The following PRH1 variants were observed in gnomAD, a reference collection of about 807,000 sequenced individuals.
The protein encoded by PRH1 is proline rich protein HaeIII subfamily 1.
In PRH1, 7 loss-of-function variants were observed where a neutral mutation model predicts 7.9. The ratio of observed to expected loss-of-function variants is 0.89; its 90% CI spans 0.50 to 1.67. The LOEUF is 1.67. Among genes scored for constraint, PRH1 ranks in the 40% most tolerant of loss-of-function variants. PRH1 has a pLI of 0.00. For missense variants in PRH1, 109 were observed against 223.6 expected, an observed-to-expected ratio of 0.49 and a Z score of 3.27; for synonymous variants, 45 against 80.8, an observed-to-expected ratio of 0.56 and a Z score of 2.38.
downstream of PRH1, among the ~76,000 whole-genome samples, chr12:11,119,139 A>G (rs1460059528): frequency 6.6e-6 from 1 of 152,202 alleles, no homozygotes; most frequent in Non-Finnish European, 1.5e-5. Context: ...AAGTTGAATA[A>G]GTAAAAAATA....
At chr12:11,025,136 G>A (rs911000712) in intron 1 of PRH1, among the ~76,000 whole-genome samples, 4 of 151,540 alleles carry the variant, frequency 2.6e-5, no homozygotes, top group African/African-American at 4.9e-5. Flanking sequence ...TCCTGCCTCA[G>A]CCTCCGGAGT....
chr12:11,165,981 T>C (rs1197330553), intron 1 of PRH1: 1 of 152,224 alleles, frequency 6.6e-6, no homozygotes, highest in African/African-American at 2.4e-5. Context: ...TGTTCTTCTC[T>C]AGCAACTGCC....
At chr12:11,063,802 TAAC>T (rs1290174651) in intron 1 of PRH1, among the ~76,000 whole-genome samples, 1 of 152,026 alleles carries the variant, frequency 6.6e-6, no homozygotes, top group African/African-American at 2.4e-5. Flanking sequence ...GGTTGGAGGA[TAAC>T]ATCATCTCAA....
chr12:11,083,785 A>G (rs1467322888), intron 1 of PRH1, among the ~76,000 whole-genome samples: 1 of 147,822 alleles, frequency 6.8e-6, no homozygotes, highest in South Asian at 2.2e-4. Flanking sequence ...TCAATTTATT[A>G]AAAATATATT....
chr12:10,961,822 T>A (rs542513392), intron 2 of PRH1, among the ~76,000 whole-genome samples: 8 of 152,324 alleles, frequency 5.3e-5, no homozygotes, highest in Admixed American at 3.3e-4. Context: ...TTCCATGGAC[T>A]AATGCTGGCT....
At chr12:11,169,503 G>C (rs1947746059) in intron 1 of PRH1, among the ~76,000 whole-genome samples, 1 of 152,176 alleles carries the variant, frequency 6.6e-6, no homozygotes, top group Admixed American at 6.5e-5. Flanking sequence ...CGGTCTCAGG[G>C]TGGAAGATAA....
intron 2 of PRH1, among the ~76,000 whole-genome samples, chr12:10,970,246 A>G (rs978705545): frequency 6.6e-6 from 1 of 152,216 alleles, no homozygotes; most frequent in Non-Finnish European, 1.5e-5. Flanking sequence ...TATAGCAACA[A>G]AATATTTTTT....
intron 1 of PRH1, among the ~76,000 whole-genome samples, chr12:10,974,757 AC>A (rs1939008226): frequency 6.6e-6 from 1 of 152,166 alleles, no homozygotes; most frequent in Non-Finnish European, 1.5e-5. Flanking sequence ...CCTCCAAACA[AC>A]CACACTAGTT....
At chr12:11,126,067 A>G (rs1242017928) in intron 1 of PRH1, among the ~76,000 whole-genome samples, 2 of 80,688 alleles carry the variant, frequency 2.5e-5, no homozygotes, top group East Asian at 3.5e-4. Flanking sequence ...ACTATGAAAC[A>G]TAACATATAT....
At chr12:11,070,867 C>T (rs1295358638) in intron 1 of PRH1, among the ~76,000 whole-genome samples, 4 of 145,224 alleles carry the variant, frequency 2.8e-5, no homozygotes, top group Admixed American at 6.9e-5. Context: ...CAGTCTCAAT[C>T]TGTCACCCAG....
chr12:11,155,384 G>C (rs571553394), intron 1 of PRH1, among the ~76,000 whole-genome samples: 1 of 152,050 alleles, frequency 6.6e-6, no homozygotes, highest in Non-Finnish European at 1.5e-5. Context: ...ACAGAAACCT[G>C]GAAAAATGAT....
intron 1 of PRH1, among the ~76,000 whole-genome samples, chr12:11,164,683 T>A (rs1164561473): frequency 6.6e-6 from 1 of 152,130 alleles, no homozygotes; most frequent in Non-Finnish European, 1.5e-5. Context: ...TGATTAAACT[T>A]CTTCTAACTC....
chr12:11,011,825 A>G lies in PRH1; in HGVS notation c.-126+35195T>C, dbSNP rs73262980. On this transcript the variant is annotated intron_variant, in intron 1 of 3. Coordinates refer to the PRH1 transcript ENST00000539853. Reference sequence around the variant, plus strand: ...GTATAACTTTATTCTTAACAAGCTCATTAACACAAACTTATGTGCCCACAC... The same window carrying G: ...GTATAACTTTATTCTTAACAAGCTCGTTAACACAAACTTATGTGCCCACAC... 5.3e-3 allele frequency among the ~76,000 whole-genome samples: 804 copies of G among 152,280 alleles called. 7 individuals carry two copies. Among genetic ancestry groups the G allele is most frequent in the African/African-American group, 0.018 (766 of 41,574 alleles).
intron 1 of PRH1, among the ~76,000 whole-genome samples, chr12:11,104,136 A>G (rs555450568): frequency 8.0e-5 from 12 of 150,840 alleles, no homozygotes; most frequent in African/African-American, 2.9e-4. Context: ...ACGGTGACCA[A>G]CACAGTCAAA....
intron 1 of PRH1, among the ~76,000 whole-genome samples, chr12:11,039,533 T>TCTG: frequency 6.7e-6 from 1 of 149,296 alleles, no homozygotes; most frequent in Non-Finnish European, 1.5e-5. Flanking sequence ...ATTTTTTCCT[T>TCTG]GTTTAAACTC....
chr12:11,024,953 A>T (rs12370036), intron 1 of PRH1, among the ~76,000 whole-genome samples: 2 of 151,936 alleles, frequency 1.3e-5, no homozygotes, highest in Admixed American at 6.6e-5. Context: ...ATTCAATCCA[A>T]GAAGACACTA....
At chr12:11,065,816 C>G (rs547430127) in intron 1 of PRH1, among the ~76,000 whole-genome samples, 1 of 152,294 alleles carries the variant, frequency 6.6e-6, no homozygotes, top group African/African-American at 2.4e-5. Context: ...ATGGTCTACG[C>G]ATTCTCCTGC....
At chr12:10,986,666 A>G (rs374836424) in intron 1 of PRH1, 48 of 1,612,168 alleles carry the variant, frequency 3.0e-5, no homozygotes, top group Middle Eastern at 1.7e-4. Context: ...TTAAATACCA[A>G]TTTAATAATA....
chr12:11,168,251 A>G (rs186688609), intron 1 of PRH1, among the ~76,000 whole-genome samples: 1,124 of 31,878 alleles, frequency 0.035, 364 homozygotes, highest in Admixed American at 0.1. Context: ...AAAGAAAGAA[A>G]GAAAGAAAGA....
Sources: allele counts gnomAD v4.1 joint callset (sites outside exome capture counted in the v4.1 genomes callset), GRCh38; gene constraint gnomAD v4.1.1; transcripts MANE v1.5; gene names NCBI Gene and HGNC (gene_info 2026-07-23, HGNC 2026-07-21).